Variants in STK32A observed in about 807,000 individuals in gnomAD.
STK32A encodes the protein serine/threonine-protein kinase 32A.
In STK32A, 41 loss-of-function variants were observed where a neutral mutation model predicts 53.2. The observed-to-expected ratio is 0.77, with a 90% confidence interval of 0.60 to 1.00. The LOEUF is 1.00. Ranked by LOEUF, STK32A falls within the 50% of genes least tolerant of loss-of-function variation. The pLI is 0.00. For missense variants in STK32A, 458 were observed against 485.8 expected, an observed-to-expected ratio of 0.94 and a Z score of 0.54; for synonymous variants, 166 against 162.8, an observed-to-expected ratio of 1.02 and a Z score of -0.15.
At chr5:147,319,523 T>C (rs898379365) in intron 4 of STK32A, among the ~76,000 whole-genome samples, 7 of 152,146 alleles carry the variant, frequency 4.6e-5, no homozygotes, top group African/African-American at 1.7e-4. Context: ...GTGAATGAAT[T>C]AGGTGCACAA....
intron 11 of STK32A, among the ~76,000 whole-genome samples, chr5:147,378,247 C>CAG (rs1757308819): frequency 6.6e-6 from 1 of 152,054 alleles, no homozygotes; most frequent in African/African-American, 2.4e-5. Context: ...ATAGGCTTTC[C>CAG]AGAGGAGGCA....
chr5:147,391,389 A>T (rs1477077656), downstream of STK32A: 1 of 152,586 alleles, frequency 6.6e-6, no homozygotes, highest in Middle Eastern at 3.2e-3. Flanking sequence ...CACCCTTTCC[A>T]CTACCCAAGC....
intron 6 of STK32A, 155 bp downstream of exon 6, chr5:147,343,198 A>G: frequency 1.2e-6 from 1 of 827,288 alleles, no homozygotes; most frequent in Non-Finnish European, 2.1e-6. Context: ...GGGGAACTTT[A>G]TTACTTATGG....
intron 2 of STK32A, among the ~76,000 whole-genome samples, chr5:147,264,292 T>A (rs2151948387): frequency 6.6e-6 from 1 of 152,238 alleles, no homozygotes; most frequent in South Asian, 2.1e-4. Context: ...GTGAAGGGAA[T>A]CCCAGGAAGA....
At chr5:147,358,848 T>G (rs1248242814) in intron 7 of STK32A, among the ~76,000 whole-genome samples, 1 of 152,120 alleles carries the variant, frequency 6.6e-6, no homozygotes, top group Non-Finnish European at 1.5e-5. Flanking sequence ...TAGGCAAAGC[T>G]AAACTATTGT....
At chr5:147,285,965 T>A (rs546179259) in intron 4 of STK32A, among the ~76,000 whole-genome samples, 1 of 152,144 alleles carries the variant, frequency 6.6e-6, no homozygotes, top group African/African-American at 2.4e-5. Flanking sequence ...GGAAAATAAG[T>A]CATTATTCAA....
At chr5:147,242,033 A>ACC (rs1753601419) in intron 2 of STK32A, among the ~76,000 whole-genome samples, 1 of 152,154 alleles carries the variant, frequency 6.6e-6, no homozygotes, top group Non-Finnish European at 1.5e-5. Context: ...GAAATAAGAT[A>ACC]CCCCTTTTTA....
intron 4 of STK32A, among the ~76,000 whole-genome samples, chr5:147,292,268 C>A (rs982244106): frequency 6.6e-6 from 1 of 152,160 alleles, no homozygotes; most frequent in Non-Finnish European, 1.5e-5. Context: ...GTCATTTCAC[C>A]CAAAGCCTTG....
intron 2 of STK32A, among the ~76,000 whole-genome samples, chr5:147,249,675 G>T (rs1753896171): frequency 6.6e-6 from 1 of 152,034 alleles, no homozygotes; most frequent in Non-Finnish European, 1.5e-5. Context: ...CACTTTGGGA[G>T]GCCGAGGGGG....
At chr5:147,260,172 TCTCTCTCCTCTCTCTCTCCTCTCTCTCTC>T (rs1275292207) in intron 2 of STK32A, among the ~76,000 whole-genome samples, 91 of 14,120 alleles carry the variant, frequency 6.4e-3, no homozygotes, top group Non-Finnish European at 8.4e-3. Flanking sequence ...TGTCTCTCTC[TCTCTCTCCTCTCTCTCTCCTCTCTCTCTC>T]CTCTCTCTCT....
At chr5:147,400,447 T>C in the STK32A span, among the ~76,000 whole-genome samples, 4 of 152,262 alleles carry the variant, frequency 2.6e-5, no homozygotes, top group African/African-American at 4.8e-5. Flanking sequence ...AGGAGTTGCA[T>C]GTCTGGTTCC....
chr5:147,397,928 A>C, the STK32A span: 3 of 1,361,144 alleles, frequency 2.2e-6, no homozygotes, highest in Non-Finnish European at 2.9e-6. Context: ...CTTCAGTGTC[A>C]TTTGCTGCTG....
intron 7 of STK32A, among the ~76,000 whole-genome samples, chr5:147,355,680 A>C (rs1000749620): frequency 2.0e-5 from 3 of 152,096 alleles, no homozygotes; most frequent in African/African-American, 7.2e-5. Context: ...TCCGTCTCAA[A>C]AAAAATAAAA....
chr5:147,257,092 T>C (rs1487474577), intron 2 of STK32A, among the ~76,000 whole-genome samples: 3 of 152,098 alleles, frequency 2.0e-5, no homozygotes, highest in Admixed American at 6.6e-5. Context: ...TAATAACCTG[T>C]ATAGGTTTAG....
chr5:147,236,077 G>T (rs1431513210), intron 1 of STK32A, among the ~76,000 whole-genome samples: 1 of 152,098 alleles, frequency 6.6e-6, no homozygotes, highest in Admixed American at 6.5e-5. Flanking sequence ...ATCAAAAGTT[G>T]CAACTTTCTT....
intron 4 of STK32A, among the ~76,000 whole-genome samples, chr5:147,310,149 T>C (rs1217408177): frequency 2.6e-5 from 4 of 152,188 alleles, no homozygotes; most frequent in East Asian, 1.9e-4. Flanking sequence ...ACATCAGAAA[T>C]AGAGAATAGT....
At chr5:147,303,553 C>G (rs753824808) in intron 4 of STK32A, among the ~76,000 whole-genome samples, 19 of 152,164 alleles carry the variant, frequency 1.2e-4, no homozygotes, top group Non-Finnish European at 2.5e-4. Flanking sequence ...GAAATAGGCT[C>G]CACTTCTGAT....
At chr5:147,291,850 A>G in intron 4 of STK32A, among the ~76,000 whole-genome samples, 1 of 152,344 alleles carries the variant, frequency 6.6e-6, no homozygotes. Context: ...CTTGTAAAAT[A>G]AGCTTTAGTA....
chr5:147,396,689 C>T, the STK32A span, among the ~76,000 whole-genome samples: 1 of 152,126 alleles, frequency 6.6e-6, no homozygotes, highest in Non-Finnish European at 1.5e-5. Context: ...ATCATCAACA[C>T]TTCCCTGGTT....
Sources: gnomAD v4.1 joint callset for allele counts (sites outside exome capture counted in the v4.1 genomes callset) on GRCh38, gnomAD v4.1.1 for gene constraint, MANE v1.5 for transcripts, NCBI Gene and HGNC (gene_info 2026-07-23, HGNC 2026-07-21) for gene names.